STK32A: variants seen among roughly 807,000 people sequenced by gnomAD.
The protein encoded by STK32A is serine/threonine-protein kinase 32A.
Under a neutral mutation model 53.2 loss-of-function variants are expected in STK32A, and 41 were observed. The observed-to-expected ratio is 0.77, with a 90% CI of 0.60 to 1.00. The LOEUF is 1.00. STK32A is among the 50% of genes least tolerant of loss of function. The probability of loss-of-function intolerance (pLI) is 0.00; values close to 1 mark genes in which losing one functional copy is unlikely to be tolerated. For missense variants in STK32A, 458 were observed against 485.8 expected (o/e 0.94, Z 0.54); for synonymous variants, 166 against 162.8 (o/e 1.02, Z -0.15).
chr5:147,276,676 T>C (rs1581027988), intron 2 of STK32A, among the ~76,000 whole-genome samples: 2 of 152,260 alleles, frequency 1.3e-5, no homozygotes, highest in East Asian at 1.9e-4. Context: ...GGACATATCA[T>C]CCCCACCCTC....
chr5:147,333,538 A>C (rs535664466), intron 5 of STK32A, among the ~76,000 whole-genome samples: 3 of 152,328 alleles, frequency 2.0e-5, no homozygotes, highest in South Asian at 4.1e-4. Context: ...TGGGCAAGAC[A>C]CTAAGCACCT....
chr5:147,325,870 T>C (rs1754561500), intron 5 of STK32A, among the ~76,000 whole-genome samples: 1 of 152,200 alleles, frequency 6.6e-6, no homozygotes, highest in African/African-American at 2.4e-5. Flanking sequence ...TCCCAAAAAT[T>C]GCCAACCACA....
At chr5:147,262,646 CA>C (rs1682708413) in intron 2 of STK32A, among the ~76,000 whole-genome samples, 1 of 151,660 alleles carries the variant, frequency 6.6e-6, no homozygotes, top group African/African-American at 2.4e-5. Flanking sequence ...GAATAGAACA[CA>C]TTCTTCTACA....
rs533818916 is a variant in STK32A, at chr5:147,353,155, T to C, written c.562+2001T>C. ...CTCTGCCTCGACTACCCTTCTTTCA[T>C]GTCCTAAAACAAATAGTGCTTTCTA... On this transcript the variant is annotated intron_variant, in intron 7 of 12. Coordinates refer to ENST00000397936, the MANE Select transcript of STK32A (RefSeq NM_001112724.2). Among the ~76,000 whole-genome samples, 6 of 152,314 alleles carry C rather than the reference T, an allele frequency of 3.9e-5. No individual in the cohort carries two copies. In the South Asian group the frequency reaches 1.2e-3, roughly 32 times the overall value.
At position 147,375,135 on chromosome 5, in the gene STK32A, A is replaced by G. The variant is rs748748340; in HGVS notation, c.949A>G (p.Ile317Val). Reference sequence around the variant, plus strand: ...TCCTACCTTTGAACTTGAGGAAATGATTTTGGAGTCCAAACCTCTACATAA... The same window carrying G: ...TCCTACCTTTGAACTTGAGGAAATGGTTTTGGAGTCCAAACCTCTACATAA... ...CDPTFELEEM[I>V]LESKPLHKKK... Residue 317 changes from isoleucine (I) to valine (V), a missense_variant, in exon 11 of 13, where the codon ATT becomes GTT. Ile to Val is a conservative substitution (Grantham distance 29, BLOSUM62 3). Transcript: ENST00000397936. 6.2e-7 allele frequency: 1 copy of G among 1,609,388 alleles called. No individual in the cohort carries two copies. The highest frequency in any genetic ancestry group is 8.5e-7 in the Non-Finnish European group (1 of 1,178,178).
intron 4 of STK32A, among the ~76,000 whole-genome samples, chr5:147,311,588 A>G (rs1753700224): frequency 6.6e-6 from 1 of 152,162 alleles, no homozygotes; most frequent in Admixed American, 6.5e-5. Flanking sequence ...TTTTTAAGAG[A>G]CAGAGTCTTG....
In STK32A at chr5:147,351,093, T is replaced by C; in HGVS notation, c.501T>C (p.Ile167=). The C allele has an allele frequency of 6.2e-7, 1 of 1,613,996 alleles. No individual in the cohort carries two copies. The highest frequency in any genetic ancestry group is 1.3e-5 in the African/African-American group (1 of 75,038). The change falls in exon 7 of 13, where the codon ATT becomes ATC. Residue 167 remains isoleucine, a synonymous_variant. Coordinates refer to ENST00000397936, the MANE Select transcript of STK32A (RefSeq NM_001112724.2). The part of the protein sequence containing the change: ...HGHVHITDFN[I]AAMLPRETQI... ...ACGTGCACATCACAGATTTCAACAT[T>C]GCTGCGATGCTGCCCAGGGAGACAC...
rs143257004 is a variant in STK32A, at chr5:147,279,530, C to A, written c.260+132C>A. ...CTTGACACAATTGCAAGAAAGAGTT[C>A]AAGGATGAGTTGGAAAACAGTGAAA... On this transcript the variant is annotated intron_variant, in intron 4 of 12. Transcript: ENST00000397936. 468 of 765,558 alleles carry A rather than the reference C, an allele frequency of 6.1e-4. 6 individuals carry two copies. In the East Asian group the frequency reaches 0.012, roughly 20 times the overall value. The allele number at this position is 765,558 out of a possible 1,614,324, so 47.4% of individuals were successfully genotyped here. A position where few individuals can be genotyped will look rare whatever the true frequency, so the allele number is the denominator to read the frequency against.
intron 2 of STK32A, among the ~76,000 whole-genome samples, chr5:147,246,677 T>C (rs1324717224): frequency 6.6e-6 from 1 of 152,224 alleles, no homozygotes; most frequent in Non-Finnish European, 1.5e-5. Context: ...GCTGGTTTAA[T>C]GGCAACAAAT....
At chr5:147,317,143 CAAAAA>C (rs58355621) in intron 4 of STK32A, among the ~76,000 whole-genome samples, 1 of 130,898 alleles carries the variant, frequency 7.6e-6, no homozygotes. Flanking sequence ...ATAGTTTTGC[CAAAAA>C]AAAAAAAAAA....
chr5:147,371,537 TAGTTCCTCC>T (rs1011707722), intron 9 of STK32A, among the ~76,000 whole-genome samples: 2 of 152,228 alleles, frequency 1.3e-5, no homozygotes, highest in Non-Finnish European at 2.9e-5. Flanking sequence ...CCTCCAATCC[TAGTTCCTCC>T]AGTTCCTCCT....
chr5:147,393,725 T>C, the STK32A span: 5 of 286,188 alleles, frequency 1.7e-5, no homozygotes, highest in East Asian at 7.3e-5. Flanking sequence ...TGTCATAAGA[T>C]GCAGCACTAC....
chr5:147,372,461 A>G (rs1581149646), intron 9 of STK32A, among the ~76,000 whole-genome samples: 1 of 151,894 alleles, frequency 6.6e-6, no homozygotes, highest in East Asian at 1.9e-4. Context: ...CATTTTTCAT[A>G]AGCAAATTCT....
In STK32A at chr5:147,306,374, T is replaced by C. The variant is rs77281677; in HGVS notation, c.261-17524T>C. 4.1e-3 allele frequency among the ~76,000 whole-genome samples: 621 copies of C among 152,170 alleles called. 4 individuals carry two copies. The highest frequency in any genetic ancestry group is 0.014 in the African/African-American group (585 of 41,564). On this transcript the variant is annotated intron_variant, in intron 4 of 12. Coordinates refer to ENST00000397936, the MANE Select transcript of STK32A (RefSeq NM_001112724.2). ...CTTTTTAAAAGTTTTTTAAAAACTT[T>C]TATTTAGCACATACCAAGTCAGGTG...
chr5:147,339,545 A>G (rs1449719250), intron 5 of STK32A, among the ~76,000 whole-genome samples: 1 of 152,230 alleles, frequency 6.6e-6, no homozygotes, highest in Non-Finnish European at 1.5e-5. Context: ...TCCAGACACC[A>G]GAATGGTAGC....
intron 5 of STK32A, among the ~76,000 whole-genome samples, chr5:147,330,419 G>A (rs1367459265): frequency 6.6e-6 from 1 of 152,210 alleles, no homozygotes; most frequent in African/African-American, 2.4e-5. Flanking sequence ...CATCTGCCAT[G>A]TAATGTCGGT....
intron 2 of STK32A, among the ~76,000 whole-genome samples, chr5:147,260,639 G>A (rs1325473131): frequency 6.6e-6 from 1 of 152,050 alleles, no homozygotes; most frequent in East Asian, 1.9e-4. Context: ...TGCCTTGCTG[G>A]TCCCGGGAGG....
Position 147,346,328 on chromosome 5 carries a change from C to T in STK32A, c.472+3285C>T, listed in dbSNP as rs909816602. ...GGGCCTCATGTGGAAATTGTAGCCACTGTGAAGGGTAACCACCTATCTCTC... is the reference window on the plus strand; with the variant it reads ...GGGCCTCATGTGGAAATTGTAGCCATTGTGAAGGGTAACCACCTATCTCTC... On this transcript the variant is annotated intron_variant, in intron 6 of 12. Transcript: ENST00000397936. 3.7e-4 allele frequency among the ~76,000 whole-genome samples: 56 copies of T among 152,206 alleles called. 1 individual carries two copies. Among genetic ancestry groups the T allele is most frequent in the African/African-American group, 1.3e-3 (54 of 41,448 alleles).
intron 4 of STK32A, among the ~76,000 whole-genome samples, chr5:147,302,377 G>C (rs1306893448): frequency 6.6e-6 from 1 of 152,142 alleles, no homozygotes; most frequent in Non-Finnish European, 1.5e-5. Flanking sequence ...AGAATTCAAG[G>C]AATGGAAGTC....
Sources: allele counts gnomAD v4.1 joint callset (sites outside exome capture counted in the v4.1 genomes callset), GRCh38; gene constraint gnomAD v4.1.1; transcripts MANE v1.5; gene names NCBI Gene and HGNC (gene_info 2026-07-23, HGNC 2026-07-21).